The following CHD7 variants were observed in gnomAD, a reference collection of about 807,000 sequenced individuals.
CHD7 encodes ATP-dependent chromatin remodeler CHD7.
A neutral mutation model predicts 307.3 loss-of-function variants in CHD7; 24 were observed. The observed-to-expected ratio is 0.08, with a 90% CI of 0.06 to 0.11. The LOEUF (loss-of-function observed/expected upper bound fraction) is 0.11. CHD7 is among the 10% of genes least tolerant of loss of function. The pLI, the probability that CHD7 is intolerant of heterozygous loss-of-function variation, is 1.00. For synonymous variants in CHD7, 1,363 were observed against 1,349.9 expected, an observed-to-expected ratio of 1.01 and a Z score of -0.21; for missense variants, 3,106 against 3,727.1, an observed-to-expected ratio of 0.83 and a Z score of 4.34.
intron 21 of CHD7, among the ~76,000 whole-genome samples, chr8:60,843,256 CTT>C (rs1427307494): frequency 6.6e-6 from 1 of 152,216 alleles, no homozygotes; most frequent in Non-Finnish European, 1.5e-5. Flanking sequence ...GACATCCTCT[CTT>C]GTCTCTTCTT....
chr8:60,780,908 T>C, intron 2 of CHD7, 92 bp from the exon 3 acceptor site: 1 of 1,378,306 alleles, frequency 7.3e-7, no homozygotes, highest in Non-Finnish European at 9.4e-7. Context: ...GAGTATAGAA[T>C]AAGTTTCAGA....
rs748537725 is a variant in CHD7, at chr8:60,865,968, T to C, written c.*35T>C. ...GTTCCAGTTCAAGTGTTTAAAACTT[T>C]TGACAAGTGGTAGTCCTACTGTTTA... On this transcript the variant is annotated 3_prime_UTR_variant, in exon 38 of 38. Coordinates refer to ENST00000423902, the MANE Select transcript of CHD7 (RefSeq NM_017780.4). This position sits in a 1 kb window ranked among gnomAD's most constrained non-coding sequence, Gnocchi z 4.3. The C allele has an allele frequency of 1.0e-5, 16 of 1,536,186 alleles. No homozygotes were observed. Among genetic ancestry groups the C allele is most frequent in the Non-Finnish European group, 1.2e-5 (13 of 1,128,814 alleles).
intron 1 of CHD7, among the ~76,000 whole-genome samples, chr8:60,735,286 CATA>C (rs1808646408): frequency 6.6e-6 from 1 of 152,188 alleles, no homozygotes; most frequent in African/African-American, 2.4e-5. Context: ...CGAATGCTAA[CATA>C]AGGCGTAGCG....
At chr8:60,686,623 G>A (rs975153445) in intron 1 of CHD7, among the ~76,000 whole-genome samples, 2 of 152,150 alleles carry the variant, frequency 1.3e-5, no homozygotes, top group African/African-American at 2.4e-5. Flanking sequence ...ATGAGGTTGG[G>A]CAAATAGCCA....
At chr8:60,828,979 CT>C (rs767690921) in intron 14 of CHD7, among the ~76,000 whole-genome samples, 173 bp downstream of exon 14, 2 of 152,130 alleles carry the variant, frequency 1.3e-5, no homozygotes, top group Admixed American at 6.5e-5. Context: ...TAAAGGTTTT[CT>C]TCTTTATTTG....
intron 1 of CHD7, among the ~76,000 whole-genome samples, chr8:60,680,029 C>T (rs938090735): frequency 6.6e-6 from 1 of 151,392 alleles, no homozygotes; most frequent in African/African-American, 2.4e-5. Flanking sequence ...CCCACCTTGT[C>T]GAGCTGGCCG....
At position 60,781,102 on chromosome 8, in the gene CHD7, A is replaced by G. The variant is rs769625033; in HGVS notation, c.1768A>G (p.Ile590Val). The change falls in exon 3 of 38, where the codon ATA becomes GTA. Residue 590 changes from isoleucine to valine, a missense_variant. Ile to Val is a conservative substitution (Grantham distance 29). Transcript: ENST00000423902. ...LVKSDDYLPS[I>V]EQQPQQKKKK... is the part of the protein sequence containing the mutation. ...GAAGAGTGATGATTACCTGCCATCA[A>G]TAGAACAGCAGCCACAACAAAAGAA... The G allele has an allele frequency of 1.6e-5, 26 of 1,611,218 alleles. No homozygotes were observed. The East Asian group carries it at 2.7e-4, about 17-fold the overall frequency.
intron 1 of CHD7, among the ~76,000 whole-genome samples, chr8:60,686,362 A>C (rs1448333656): frequency 1.6e-5 from 2 of 122,662 alleles, no homozygotes; most frequent in African/African-American, 5.5e-5. Flanking sequence ...AAAAAAAAAA[A>C]AAAACTCTTT....
At chr8:60,734,593 G>A (rs1386250046) in intron 1 of CHD7, among the ~76,000 whole-genome samples, 1 of 152,206 alleles carries the variant, frequency 6.6e-6, no homozygotes, top group African/African-American at 2.4e-5. Flanking sequence ...AGCCTCTACA[G>A]TGAGGGGATA....
At position 60,741,780 on chromosome 8, in the gene CHD7, T is replaced by G. The variant is rs779019449; in HGVS notation, c.348T>G (p.Gly116=). The stretch of plus-strand genomic sequence containing the variant: ...CTCCCGTTCCTCAGGTGCCCCATGG[T>G]GGCAGTGGTGGCGGTCAGATGGGTG... ...HTPPVPQVPH[G]GSGGGQMGVY... is the part of the protein sequence containing the mutation. The change falls in exon 2 of 38, where the codon GGT becomes GGG. Residue 116 remains glycine (G), a synonymous_variant. Coordinates refer to ENST00000423902, the MANE Select transcript of CHD7 (RefSeq NM_017780.4). 11 of 1,613,876 alleles carry G rather than the reference T, an allele frequency of 6.8e-6. No homozygotes were observed. Among genetic ancestry groups the G allele is most frequent in the Non-Finnish European group, 9.3e-6 (11 of 1,179,838 alleles).
At chr8:60,715,984 A>T (rs1245958066) in intron 1 of CHD7, among the ~76,000 whole-genome samples, 1 of 152,208 alleles carries the variant, frequency 6.6e-6, no homozygotes, top group African/African-American at 2.4e-5. Context: ...GAGACAGCAG[A>T]TGTTAAAGTA....
chr8:60,775,304 C>T (rs1459648828), intron 2 of CHD7, among the ~76,000 whole-genome samples: 1 of 49,872 alleles, frequency 2.0e-5, no homozygotes, highest in African/African-American at 3.2e-5. Context: ...ATTATCTTGA[C>T]ATATAGGAAT....
chr8:60,703,863 C>T (rs1806887670), intron 1 of CHD7, among the ~76,000 whole-genome samples: 1 of 152,228 alleles, frequency 6.6e-6, no homozygotes, highest in Admixed American at 6.5e-5. Context: ...TAACTTCACT[C>T]TGCCAAGTGA....
chr8:60,742,223 T>A lies in CHD7; in HGVS notation c.791T>A (p.Leu264His). The change falls in exon 2 of 38, where the codon CTC (leucine) becomes CAC (histidine). Residue 264 changes from leucine (L) to histidine (H), a missense_variant. By Grantham distance (99) the Leu-to-His change is moderately conservative. This residue lies in a region of CHD7 where 998 missense variants were observed against 1,004.5 expected (regional missense o/e 0.99). Coordinates refer to ENST00000423902, the MANE Select transcript of CHD7 (RefSeq NM_017780.4). ...TTCCATCACCACCCCTCTACTGCTC[T>A]CCATGGAGAATCCGTTGCCCACAGT... Reference protein sequence around the residue: ...QQFHHHPSTALHGESVAHSPR... With the variant: ...QQFHHHPSTAHHGESVAHSPR... 6.2e-7 allele frequency: 1 copy of A among 1,613,850 alleles called. No individual in the cohort carries two copies. Among genetic ancestry groups the A allele is most frequent in the Non-Finnish European group, 8.5e-7 (1 of 1,179,862 alleles).
chr8:60,728,943 A>G (rs1474673046), intron 1 of CHD7, among the ~76,000 whole-genome samples: 1 of 152,154 alleles, frequency 6.6e-6, no homozygotes, highest in African/African-American at 2.4e-5. Context: ...CCCAATAGTT[A>G]TCTTTTCTGT....
chr8:60,860,015 G>T (rs766462572), intron 34 of CHD7, among the ~76,000 whole-genome samples: 1 of 150,006 alleles, frequency 6.7e-6, no homozygotes, highest in Non-Finnish European at 1.5e-5. Flanking sequence ...ACCTGGGTGG[G>T]AAGTGACAAA....
At chr8:60,794,925 TATAAG>T (rs2150697339) in intron 3 of CHD7, 56 bp from the exon 4 acceptor site, 3 of 1,464,122 alleles carry the variant, frequency 2.0e-6, no homozygotes, top group East Asian at 2.3e-5. Context: ...ATGTGGGAAA[TATAAG>T]AGACATGCAG....
At chr8:60,714,903 C>CTGAA (rs998177942) in intron 1 of CHD7, among the ~76,000 whole-genome samples, 5 of 152,186 alleles carry the variant, frequency 3.3e-5, no homozygotes, top group African/African-American at 7.2e-5. Context: ...TGCTCAGCGG[C>CTGAA]TGAATGAATG....
At position 60,741,497 on chromosome 8, in the gene CHD7, A is replaced by G. The variant is rs1361545618; in HGVS notation, c.65A>G (p.Glu22Gly). 3.1e-6 allele frequency: 5 copies of G among 1,612,548 alleles called. No homozygotes were observed. The highest frequency in any genetic ancestry group is 4.2e-6 in the Non-Finnish European group (5 of 1,179,296). The change falls in exon 2 of 38, where the codon GAA (glutamate) becomes GGA (glycine). Residue 22 changes from glutamate to glycine, a missense_variant. Physicochemically the swap from Glu to Gly is moderately conservative, Grantham distance 98. This residue lies in a region of CHD7 where 998 missense variants were observed against 1,004.5 expected (regional missense o/e 0.99). Transcript: ENST00000423902. Reference protein sequence around the residue: ...EDGNIFSEGLEGLGECGYPEN... With the variant: ...EDGNIFSEGLGGLGECGYPEN... ...GGGAATATTTTCAGTGAAGGTCTTG[A>G]AGGCCTCGGAGAATGTGGTTACCCG...
Sources: allele counts gnomAD v4.1 joint callset (sites outside exome capture counted in the v4.1 genomes callset), GRCh38; gene constraint gnomAD v4.1.1; regional missense constraint gnomAD v4.1.1; non-coding constraint Gnocchi (gnomAD v3.1); transcripts MANE v1.5; gene names NCBI Gene and HGNC (gene_info 2026-07-23, HGNC 2026-07-21).